The following KLHL1 variants were observed in gnomAD, a reference collection of about 807,000 sequenced individuals.
KLHL1 encodes kelch-like protein 1.
KLHL1 carries 47 observed loss-of-function variants against 77.7 expected under a neutral mutation model. The ratio of observed to expected loss-of-function variants is 0.60; its 90% CI spans 0.48 to 0.77. The LOEUF is 0.77. Ranked by LOEUF, KLHL1 falls within the 30% of genes least tolerant of loss-of-function variation. The pLI is 0.00. For missense variants in KLHL1, 925 were observed against 910.8 expected (o/e 1.02, Z -0.20); for synonymous variants, 360 against 325.2 (o/e 1.11, Z -1.15).
intron 1 of KLHL1, 88 bp from the exon 2 acceptor site, chr13:69,975,890 A>G: frequency 7.2e-7 from 1 of 1,380,454 alleles, no homozygotes. Flanking sequence ...ACAGGTTTTT[A>G]TCATTTTCTT....
intron 1 of KLHL1, among the ~76,000 whole-genome samples, chr13:69,990,853 T>C (rs920164556): frequency 6.6e-6 from 1 of 151,826 alleles, no homozygotes; most frequent in African/African-American, 2.4e-5. Context: ...ACAGAATATA[T>C]ACTTTTTGTT....
At chr13:70,039,379 T>C (rs927664657) in intron 1 of KLHL1, among the ~76,000 whole-genome samples, 1 of 152,130 alleles carries the variant, frequency 6.6e-6, no homozygotes, top group Non-Finnish European at 1.5e-5. Flanking sequence ...TCACCAGACC[T>C]GGCCTCTTTT....
intron 2 of KLHL1, among the ~76,000 whole-genome samples, chr13:69,962,185 T>C (rs1485523645): frequency 1.3e-5 from 2 of 151,998 alleles, no homozygotes; most frequent in African/African-American, 4.8e-5. Context: ...CTATATAGAT[T>C]CTTGGTTGAT....
intron 4 of KLHL1, among the ~76,000 whole-genome samples, chr13:69,929,810 A>C (rs1882940808): frequency 6.6e-6 from 1 of 151,882 alleles, no homozygotes; most frequent in African/African-American, 2.4e-5. Context: ...AAATTCTGAT[A>C]TACATTACAT....
At chr13:69,965,508 A>C (rs1229938264) in intron 2 of KLHL1, among the ~76,000 whole-genome samples, 1 of 152,092 alleles carries the variant, frequency 6.6e-6, no homozygotes, top group Non-Finnish European at 1.5e-5. Flanking sequence ...GTTCCCTGAG[A>C]CACAATATTA....
intron 4 of KLHL1, among the ~76,000 whole-genome samples, chr13:69,912,354 C>G (rs1309589465): frequency 6.6e-6 from 1 of 151,866 alleles, no homozygotes; most frequent in Admixed American, 6.6e-5. Context: ...TCAATAATCT[C>G]AGAAAAAAAG....
chr13:69,757,928 G>C (rs1034540812), intron 7 of KLHL1, among the ~76,000 whole-genome samples: 1 of 128,312 alleles, frequency 7.8e-6, no homozygotes, highest in Non-Finnish European at 1.5e-5. Context: ...CTGCACTGCA[G>C]CCTGAGTAAC....
intron 7 of KLHL1, among the ~76,000 whole-genome samples, chr13:69,787,463 A>C (rs913479485): frequency 2.0e-5 from 3 of 152,252 alleles, no homozygotes; most frequent in African/African-American, 7.2e-5. Flanking sequence ...CCATATGTAG[A>C]AAGCTGAAAC....
At chr13:69,768,222 G>T (rs1875399390) in intron 7 of KLHL1, among the ~76,000 whole-genome samples, 1 of 152,034 alleles carries the variant, frequency 6.6e-6, no homozygotes, top group African/African-American at 2.4e-5. Context: ...ATAATTTTTT[G>T]TAAAACTTGC....
At chr13:69,856,318 C>T (rs1879918474) in intron 5 of KLHL1, among the ~76,000 whole-genome samples, 1 of 152,034 alleles carries the variant, frequency 6.6e-6, no homozygotes, top group African/African-American at 2.4e-5. Context: ...GTTACACATA[C>T]AGGTGTCACT....
intron 1 of KLHL1, among the ~76,000 whole-genome samples, chr13:70,012,048 T>G (rs979972463): frequency 4.6e-5 from 7 of 152,072 alleles, no homozygotes; most frequent in Admixed American, 2.0e-4. Flanking sequence ...TCATGAGACC[T>G]ATTCACTATC....
intron 4 of KLHL1, among the ~76,000 whole-genome samples, chr13:69,908,183 C>A (rs1882103709): frequency 6.6e-6 from 1 of 151,626 alleles, no homozygotes; most frequent in Non-Finnish European, 1.5e-5. Flanking sequence ...GGTATACCAG[C>A]AGAGTATAGA....
intron 4 of KLHL1, among the ~76,000 whole-genome samples, chr13:69,924,085 C>G (rs964372937): frequency 6.6e-6 from 1 of 152,210 alleles, no homozygotes; most frequent in Admixed American, 6.5e-5. Context: ...CCTGCTGCCT[C>G]GACCCCCTCT....
chr13:69,776,469 G>T (rs1382506169), intron 7 of KLHL1, among the ~76,000 whole-genome samples: 1 of 152,132 alleles, frequency 6.6e-6, no homozygotes, highest in African/African-American at 2.4e-5. Flanking sequence ...GTAAAATTAA[G>T]ATTCTGAAGT....
intron 3 of KLHL1, among the ~76,000 whole-genome samples, chr13:69,952,705 C>T (rs1296158253): frequency 6.6e-6 from 1 of 151,320 alleles, no homozygotes; most frequent in Non-Finnish European, 1.5e-5. Flanking sequence ...TAGCATCCTT[C>T]AACTGAGGGA....
chr13:69,939,360 T>TACATAC (rs1222318487), intron 4 of KLHL1, among the ~76,000 whole-genome samples: 2 of 84,270 alleles, frequency 2.4e-5, no homozygotes, highest in African/African-American at 9.4e-5. Flanking sequence ...TATATATATA[T>TACATAC]ATATATATAT....
chr13:70,091,815 G>C (rs1352377000), intron 1 of KLHL1, among the ~76,000 whole-genome samples: 2 of 152,054 alleles, frequency 1.3e-5, no homozygotes, highest in Non-Finnish European at 2.9e-5. Context: ...AACTACCTTA[G>C]AGCTAACTTT....
intron 6 of KLHL1, among the ~76,000 whole-genome samples, chr13:69,823,158 T>A (rs1878406878): frequency 6.6e-6 from 1 of 151,824 alleles, no homozygotes; most frequent in Admixed American, 6.6e-5. Flanking sequence ...GCATCCATCA[T>A]TTATTGAATC....
At chr13:69,963,511 C>A (rs1324328977) in intron 2 of KLHL1, among the ~76,000 whole-genome samples, 12 of 152,044 alleles carry the variant, frequency 7.9e-5, no homozygotes, top group Admixed American at 7.9e-4. Context: ...GTCTTTGTTG[C>A]ATATTCTCCT....
Sources: allele counts gnomAD v4.1 joint callset (sites outside exome capture counted in the v4.1 genomes callset), GRCh38; gene constraint gnomAD v4.1.1; transcripts MANE v1.5; gene names NCBI Gene and HGNC (gene_info 2026-07-23, HGNC 2026-07-21).